The following SMARCA2 variants were observed in gnomAD, a reference collection of about 807,000 sequenced individuals.
SMARCA2 encodes the protein SWI/SNF-related matrix-associated actin-dependent regulator of chromatin subfamily A member 2.
SMARCA2 carries 61 observed loss-of-function variants against 199.8 expected under a neutral mutation model. That is an observed-to-expected ratio of 0.31 (90% CI 0.25 to 0.38). The LOEUF (loss-of-function observed/expected upper bound fraction) is 0.38. Ranked by LOEUF, SMARCA2 falls within the 10% of genes least tolerant of loss-of-function variation. The pLI, the probability that SMARCA2 is intolerant of heterozygous loss-of-function variation, is 1.00. For synonymous variants in SMARCA2, 935 were observed against 732.0 expected, an observed-to-expected ratio of 1.28 and a Z score of -4.48; for missense variants, 1,344 against 2,012.2, an observed-to-expected ratio of 0.67 and a Z score of 6.35.
chr9:2,191,246 T>G lies in SMARCA2; in HGVS notation c.4595-20T>G. On this transcript the variant is annotated intron_variant, in intron 32 of 33. Coordinates refer to ENST00000349721, the MANE Select transcript of SMARCA2 (RefSeq NM_003070.5). The stretch of plus-strand genomic sequence containing the variant: ...CTTGTGATTACTCACTGGTGTCTAT[T>G]TCATTTGCTTTGGTTTTAGCAAAAT... 1 of 1,612,614 alleles carries G rather than the reference T, an allele frequency of 6.2e-7. No individual in the cohort carries two copies. Among genetic ancestry groups the G allele is most frequent in the Non-Finnish European group, 8.5e-7 (1 of 1,178,932 alleles).
intron 9 of SMARCA2, among the ~76,000 whole-genome samples, chr9:2,067,557 T>C (rs1820899115): frequency 6.6e-6 from 1 of 152,176 alleles, no homozygotes; most frequent in Admixed American, 6.5e-5. Context: ...CATGTCGAAA[T>C]AGTGACCCAG....
chr9:2,122,788 C>T (rs1823524741), intron 26 of SMARCA2, among the ~76,000 whole-genome samples: 1 of 152,168 alleles, frequency 6.6e-6, no homozygotes, highest in African/African-American at 2.4e-5. Flanking sequence ...GATTGATGGT[C>T]CATTTCATTG....
chr9:2,056,709 C>G lies in SMARCA2; in HGVS notation c.1211C>G (p.Thr404Arg). The change falls in exon 7 of 34, where the codon ACG becomes AGG. Residue 404 changes from threonine (T) to arginine (R), a missense_variant. By Grantham distance (71) the Thr-to-Arg change is moderately conservative (BLOSUM62 -1). This residue lies in a region of SMARCA2 where 155 missense variants were observed against 260.0 expected (regional missense o/e 0.60). Coordinates refer to ENST00000349721, the MANE Select transcript of SMARCA2 (RefSeq NM_003070.5). The surrounding 1 kb of genome is among the most constrained non-coding windows in gnomAD (Gnocchi z 4.0). The part of the protein sequence containing the change: ...QEVVACMRRD[T>R]TLETALNSKA... ...GTGGTGGCCTGCATGCGCAGGGACA[C>G]GACCCTGGAGACGGCTCTCAACTCC... is the stretch of plus-strand genomic sequence containing the variant. 6.2e-7 allele frequency: 1 copy of G among 1,614,070 alleles called. No homozygotes were observed. Among genetic ancestry groups the G allele is most frequent in the East Asian group, 2.2e-5 (1 of 44,878 alleles).
intron 2 of SMARCA2, among the ~76,000 whole-genome samples, chr9:2,029,758 G>C (rs1256587283): frequency 2.0e-5 from 3 of 152,180 alleles, no homozygotes; most frequent in South Asian, 4.1e-4. Context: ...AATGCACATT[G>C]CTGTCTCTCT....
chr9:2,186,142 G>T lies in SMARCA2; in HGVS notation c.4508G>T (p.Arg1503Leu). ...IVLQSVFKSA[R>L]QKIAKEEESE... ...TTACAGTCAGTGTTTAAGAGTGCCCGGCAGAAAATTGCCAAAGAGGAAGAG... is the reference window on the plus strand; with the variant it reads ...TTACAGTCAGTGTTTAAGAGTGCCCTGCAGAAAATTGCCAAAGAGGAAGAG... The change falls in exon 32 of 34, where the codon CGG becomes CTG. Residue 1503 changes from arginine to leucine, a missense_variant. Physicochemically the swap from Arg to Leu is moderately radical, Grantham distance 102. Transcript: ENST00000349721. 1 of 1,613,870 alleles carries T rather than the reference G, an allele frequency of 6.2e-7. No individual in the cohort carries two copies. The highest frequency in any genetic ancestry group is 8.5e-7 in the Non-Finnish European group (1 of 1,179,834).
intron 33 of SMARCA2, 77 bp downstream of exon 33, chr9:2,191,485 T>G: frequency 6.6e-7 from 1 of 1,503,796 alleles, no homozygotes; most frequent in Non-Finnish European, 9.1e-7. Flanking sequence ...TCCATGCCCC[T>G]TCAGCCTTTT....
chr9:2,077,625 C>G lies in SMARCA2; in HGVS notation c.2037-4C>G. 1 of 1,612,730 alleles carries G rather than the reference C, an allele frequency of 6.2e-7. No individual in the cohort carries two copies. Among genetic ancestry groups the G allele is most frequent in the Non-Finnish European group, 8.5e-7 (1 of 1,179,138 alleles). On this transcript the variant is annotated splice_region_variant and splice_polypyrimidine_tract_variant and intron_variant, in intron 13 of 33. Transcript: ENST00000349721. Reference sequence around the variant, plus strand: ...GTGTGATTCTCCACTTTTTCCTTTCCCAGGACAGCTAAGCAAGACGTGGAT... The same window carrying G: ...GTGTGATTCTCCACTTTTTCCTTTCGCAGGACAGCTAAGCAAGACGTGGAT...
intron 19 of SMARCA2, among the ~76,000 whole-genome samples, chr9:2,094,468 T>C (rs1822187349): frequency 6.6e-6 from 1 of 152,206 alleles, no homozygotes; most frequent in South Asian, 2.1e-4. Flanking sequence ...ATTCTGGATC[T>C]GCCTTCCCCA....
chr9:2,019,517 G>T (rs916062086), intron 1 of SMARCA2, among the ~76,000 whole-genome samples: 1 of 147,996 alleles, frequency 6.8e-6, no homozygotes, highest in Admixed American at 6.7e-5. Context: ...AAAAAAAAGT[G>T]CCTCGGCTTG....
chr9:2,028,133 C>G (rs1818912498), intron 1 of SMARCA2, among the ~76,000 whole-genome samples: 1 of 151,514 alleles, frequency 6.6e-6, no homozygotes, highest in Non-Finnish European at 1.5e-5. Context: ...TCATGGATGA[C>G]TTCTCTCAAG....
chr9:2,025,581 C>G (rs138309951), intron 1 of SMARCA2, among the ~76,000 whole-genome samples: 1 of 152,142 alleles, frequency 6.6e-6, no homozygotes. Flanking sequence ...TCTATTGTCT[C>G]ATTAGTGCTT....
chr9:2,030,629 A>T (rs1819021436), intron 2 of SMARCA2, among the ~76,000 whole-genome samples: 1 of 149,778 alleles, frequency 6.7e-6, no homozygotes, highest in African/African-American at 2.5e-5. Flanking sequence ...TGATTTATTC[A>T]GTCTAACAAT....
intron 1 of SMARCA2, chr9:2,018,058 G>A (rs950010707): frequency 6.6e-6 from 1 of 152,214 alleles, no homozygotes; most frequent in African/African-American, 2.4e-5. Context: ...CTGCGCCCGG[G>A]GCTGTTGCAC....
intron 29 of SMARCA2, among the ~76,000 whole-genome samples, chr9:2,179,894 A>C (rs1451606976): frequency 6.6e-6 from 1 of 152,194 alleles, no homozygotes; most frequent in Non-Finnish European, 1.5e-5. Context: ...TGCTCTCTAC[A>C]AATTACTCTC....
chr9:2,057,613 G>A (rs957686102), intron 7 of SMARCA2, among the ~76,000 whole-genome samples: 1 of 152,098 alleles, frequency 6.6e-6, no homozygotes, highest in African/African-American at 2.4e-5. Flanking sequence ...TTCTCTGAAG[G>A]GCCTAGTTGA....
intron 27 of SMARCA2, among the ~76,000 whole-genome samples, chr9:2,148,152 C>G (rs1011288297): frequency 2.0e-5 from 3 of 151,682 alleles, no homozygotes; most frequent in Non-Finnish European, 3.0e-5. Context: ...TGTTCATGCT[C>G]TTTATAGAAC....
At chr9:2,158,214 T>A (rs1825478258) in intron 27 of SMARCA2, 1 of 203,728 alleles carries the variant, frequency 4.9e-6, no homozygotes, top group Admixed American at 6.1e-5. Context: ...AAGGAGTAAT[T>A]CCCAGCTTCA....
At chr9:2,057,274 T>A (rs1346306342) in intron 7 of SMARCA2, among the ~76,000 whole-genome samples, 1 of 152,208 alleles carries the variant, frequency 6.6e-6, no homozygotes, top group Non-Finnish European at 1.5e-5. Context: ...TTTTCTTACG[T>A]GGTGGAAGCA....
chr9:2,048,528 T>C (rs1819980589), intron 5 of SMARCA2, among the ~76,000 whole-genome samples: 1 of 152,220 alleles, frequency 6.6e-6, no homozygotes, highest in Non-Finnish European at 1.5e-5. Context: ...GTAAACAGTG[T>C]CTGGGCTTCC....
Sources: gnomAD v4.1 joint callset for allele counts (sites outside exome capture counted in the v4.1 genomes callset) on GRCh38, gnomAD v4.1.1 for gene constraint, gnomAD v4.1.1 regional missense constraint, Gnocchi (gnomAD v3.1) non-coding constraint, MANE v1.5 for transcripts, NCBI Gene and HGNC (gene_info 2026-07-23, HGNC 2026-07-21) for gene names.